PLXDC2: variants seen among roughly 807,000 people sequenced by gnomAD.
PLXDC2 encodes plexin domain containing 2.
PLXDC2 carries 40 observed loss-of-function variants against 68.9 expected under a neutral mutation model. The ratio of observed to expected loss-of-function variants is 0.58; its 90% CI spans 0.45 to 0.76. PLXDC2 has a LOEUF of 0.76. PLXDC2 is among the 30% of genes least tolerant of loss of function. The pLI is 0.00. For synonymous variants in PLXDC2, 243 were observed against 234.2 expected (o/e 1.04, Z -0.34); for missense variants, 644 against 661.9 (o/e 0.97, Z 0.30).
At chr10:20,154,519 A>T (rs1028556201) in intron 6 of PLXDC2, among the ~76,000 whole-genome samples, 1 of 151,228 alleles carries the variant, frequency 6.6e-6, no homozygotes, top group African/African-American at 2.4e-5. Context: ...AGCAGAGATC[A>T]TGCCACTGCC....
At chr10:20,249,494 G>A (rs539818012) in intron 13 of PLXDC2, among the ~76,000 whole-genome samples, 11 of 152,092 alleles carry the variant, frequency 7.2e-5, no homozygotes, top group Non-Finnish European at 1.0e-4. Context: ...TCCACATGCC[G>A]CATGTGTTCC....
At chr10:20,238,677 G>GTATA (rs10633613) in intron 12 of PLXDC2, among the ~76,000 whole-genome samples, 9,294 of 76,796 alleles carry the variant, frequency 0.12, 908 homozygotes, top group South Asian at 0.18. Context: ...ATATATATAT[G>GTATA]TATATATATA....
chr10:20,200,388 A>C (rs1346387987), intron 9 of PLXDC2, among the ~76,000 whole-genome samples: 1 of 152,046 alleles, frequency 6.6e-6, no homozygotes, highest in East Asian at 1.9e-4. Context: ...ACATAAATCC[A>C]AAAAAGGTGA....
chr10:19,886,448 C>G (rs919585512), intron 1 of PLXDC2, among the ~76,000 whole-genome samples: 4 of 152,160 alleles, frequency 2.6e-5, no homozygotes, highest in Non-Finnish European at 5.9e-5. Flanking sequence ...GGCTTCATCC[C>G]TGGGATGCAA....
intron 1 of PLXDC2, among the ~76,000 whole-genome samples, chr10:19,861,638 G>T (rs1322788659): frequency 6.6e-6 from 1 of 152,004 alleles, no homozygotes; most frequent in Non-Finnish European, 1.5e-5. Flanking sequence ...TTTCATTCAT[G>T]GTTCCCTTCT....
intron 1 of PLXDC2, among the ~76,000 whole-genome samples, chr10:19,977,576 C>T (rs144649244): frequency 5.3e-5 from 8 of 152,236 alleles, no homozygotes; most frequent in East Asian, 3.9e-4. Context: ...GAAGCTGTGA[C>T]GATGTATCAT....
intron 1 of PLXDC2, among the ~76,000 whole-genome samples, chr10:19,952,740 C>G (rs531691401): frequency 6.6e-6 from 1 of 152,216 alleles, no homozygotes; most frequent in South Asian, 2.1e-4. Context: ...ATACGTTGAG[C>G]TGTAAGTGAG....
intron 1 of PLXDC2, among the ~76,000 whole-genome samples, chr10:19,995,475 A>T (rs548426940): frequency 1.8e-4 from 27 of 152,170 alleles, no homozygotes; most frequent in Non-Finnish European, 3.7e-4. Context: ...AGTCATGTAA[A>T]CTATCTTTTG....
rs1199691853 is a variant in PLXDC2 at position 20,162,929 on chromosome 10, A to AC, written c.784-1539_784-1538insC. ...AAATACAAAAAAAAAAAAAAAAAAA[A>AC]ATCCAGCTGGGTGTGGTGACACACG... On this transcript the variant is annotated intron_variant, in intron 6 of 13. Transcript: ENST00000377252. Among the ~76,000 whole-genome samples, 5 of 149,742 alleles carry AC rather than the reference A, an allele frequency of 3.3e-5. No homozygotes were observed. The East Asian group carries it at 9.8e-4, about 29-fold the overall frequency.
At chr10:19,999,023 G>A (rs191980299) in intron 1 of PLXDC2, among the ~76,000 whole-genome samples, 7 of 152,248 alleles carry the variant, frequency 4.6e-5, no homozygotes, top group Admixed American at 2.0e-4. Context: ...AGACTTCATC[G>A]TTTCTAAGTT....
intron 1 of PLXDC2, among the ~76,000 whole-genome samples, chr10:19,969,152 G>C (rs1286645270): frequency 6.6e-6 from 1 of 151,820 alleles, no homozygotes; most frequent in Non-Finnish European, 1.5e-5. Context: ...TTATTTCGGC[G>C]ACACCAAAAG....
intron 8 of PLXDC2, 112 bp from the exon 9 acceptor site, chr10:20,177,216 G>A (rs1834539556): frequency 4.6e-6 from 6 of 1,311,538 alleles, no homozygotes; most frequent in Non-Finnish European, 5.5e-6. Flanking sequence ...GCATGCATGG[G>A]CATTTTGCTC....
At chr10:20,114,667 T>G (rs1376247806) in intron 4 of PLXDC2, among the ~76,000 whole-genome samples, 1 of 152,138 alleles carries the variant, frequency 6.6e-6, no homozygotes, top group African/African-American at 2.4e-5. Flanking sequence ...GCTTAAAAGA[T>G]GAATAGGATT....
chr10:20,242,876 A>AT (rs1467346471), intron 12 of PLXDC2, among the ~76,000 whole-genome samples: 1 of 151,592 alleles, frequency 6.6e-6, no homozygotes, highest in East Asian at 1.9e-4. Context: ...AGCCTGGCTA[A>AT]TTTTTTGTAT....
At position 20,044,381 on chromosome 10, in the gene PLXDC2, G is replaced by C. The variant is rs1835760158; in HGVS notation, c.325-2488G>C. On this transcript the variant is annotated intron_variant, in intron 2 of 13. Transcript: ENST00000377252. ...GCTGGAGTGTAACAGCACGATCTAG[G>C]CTCACTGCAAACTCCGCCTCCCAAG... is the stretch of plus-strand genomic sequence containing the variant. 4.7e-5 allele frequency among the ~76,000 whole-genome samples: 7 copies of C among 149,662 alleles called. 1 individual carries two copies.
At chr10:19,886,728 C>T (rs1026929203) in intron 1 of PLXDC2, among the ~76,000 whole-genome samples, 16 of 152,070 alleles carry the variant, frequency 1.1e-4, no homozygotes, top group Non-Finnish European at 2.9e-5. Flanking sequence ...ACAGGGATGC[C>T]CTCTCTCACC....
intron 2 of PLXDC2, among the ~76,000 whole-genome samples, chr10:20,040,926 T>C (rs1205820890): frequency 6.6e-6 from 1 of 152,250 alleles, no homozygotes; most frequent in East Asian, 1.9e-4. Flanking sequence ...ATTTTTGTAC[T>C]TTCCGATTTA....
chr10:19,950,800 G>C (rs1245843151), intron 1 of PLXDC2, among the ~76,000 whole-genome samples: 1 of 152,140 alleles, frequency 6.6e-6, no homozygotes, highest in East Asian at 1.9e-4. Flanking sequence ...TACAAGAACA[G>C]ACACATAGAC....
rs112138309 is a variant in PLXDC2 at position 19,874,121 on chromosome 10, A to G, written c.112+56930A>G. On this transcript the variant is annotated intron_variant, in intron 1 of 13. Transcript: ENST00000377252. ...TTTCTAGCAAAGTTCAGCAACACTT[A>G]CGATCACAGTGGATTGTCTCTGTTA... is the stretch of plus-strand genomic sequence containing the variant. 5.3e-3 allele frequency among the ~76,000 whole-genome samples: 801 copies of G among 152,334 alleles called. 3 individuals carry two copies. The highest frequency in any genetic ancestry group is 0.018 in the African/African-American group (748 of 41,576).
Sources: gnomAD v4.1 joint callset for allele counts (sites outside exome capture counted in the v4.1 genomes callset) on GRCh38, gnomAD v4.1.1 for gene constraint, MANE v1.5 for transcripts, NCBI Gene and HGNC (gene_info 2026-07-23, HGNC 2026-07-21) for gene names.